The following TBL3 variants were observed in gnomAD, a reference collection of about 807,000 sequenced individuals.
The protein encoded by TBL3 is transducin beta-like protein 3.
A neutral mutation model predicts 102.7 loss-of-function variants in TBL3; 71 were observed. The ratio of observed to expected loss-of-function variants is 0.69; its 90% CI spans 0.57 to 0.84. The LOEUF (loss-of-function observed/expected upper bound fraction) is 0.84. Among genes scored for constraint, TBL3 ranks in the 40% least tolerant of loss-of-function variants. The pLI, the probability that TBL3 is intolerant of heterozygous loss-of-function variation, is 0.00. For missense variants in TBL3, 1,188 were observed against 1,098.5 expected, an observed-to-expected ratio of 1.08 and a Z score of -1.15; for synonymous variants, 578 against 477.7, an observed-to-expected ratio of 1.21 and a Z score of -2.74.
chr16:1,981,214 G>A lies in TBL3; in HGVS notation c.*2529G>A. On this transcript the variant is annotated 3_prime_UTR_variant, in exon 22 of 22. Transcript: ENST00000568546. ...TTCCAGGCTGCAGATTCCTGAAATGGGCGAGGACCCTTCTGCCTCCCCGTG... is the reference window on the plus strand; with the variant it reads ...TTCCAGGCTGCAGATTCCTGAAATGAGCGAGGACCCTTCTGCCTCCCCGTG... 1 of 1,612,822 alleles carries A rather than the reference G, an allele frequency of 6.2e-7. No homozygotes were observed. The highest frequency in any genetic ancestry group is 8.5e-7 in the Non-Finnish European group (1 of 1,179,806).
chr16:1,978,984 A>T lies in TBL3; in HGVS notation c.*299A>T. On this transcript the variant is annotated 3_prime_UTR_variant, in exon 22 of 22. Coordinates refer to ENST00000568546, the MANE Select transcript of TBL3 (RefSeq NM_006453.3). ...CCTCCCATCCCTGCTGGCCAGGGAGATCCGCCCTCCCCGCTCCTCCCCAGC... is the reference window on the plus strand; with the variant it reads ...CCTCCCATCCCTGCTGGCCAGGGAGTTCCGCCCTCCCCGCTCCTCCCCAGC... The T allele has an allele frequency of 7.1e-7, 1 of 1,416,598 alleles. No individual in the cohort carries two copies. Among genetic ancestry groups the T allele is most frequent in the Non-Finnish European group, 9.4e-7 (1 of 1,062,172 alleles). 87.8% of individuals were successfully genotyped at this position (1,416,598 alleles called of 1,614,324 possible).
Position 1,974,876 on chromosome 16 carries a change from G to A in TBL3, c.464+29G>A, listed in dbSNP as rs772157260. The A allele has an allele frequency of 2.9e-5, 46 of 1,612,844 alleles. No homozygotes were observed. In the East Asian group the frequency reaches 1.0e-3, roughly 35 times the overall value. ...AGTTGGAAGGTGGAGGGGGAGGGCA[G>A]AGGCACCACCCAGGCTGCACAGCTC... On this transcript the variant is annotated intron_variant, in intron 6 of 21. Transcript: ENST00000568546.
Position 1,979,965 on chromosome 16 carries a change from G to C in TBL3, c.*1280G>C, listed in dbSNP as rs770417062. On this transcript the variant is annotated 3_prime_UTR_variant, in exon 22 of 22. Transcript: ENST00000568546. ...GGCTCCCTCGGGTCCAGGAGCAGAG[G>C]AGCAAATCCCTGGGTTCTTGGGGGG... 2.1e-5 allele frequency: 34 copies of C among 1,587,192 alleles called. No homozygotes were observed. Among genetic ancestry groups the C allele is most frequent in the Non-Finnish European group, 2.9e-5 (34 of 1,167,504 alleles).
chr16:1,972,099 C>A lies in TBL3; in HGVS notation c.-66C>A. ...GTTCTGTGAAGAGTTCGGTGCTAACCTCCCTCACGCGGCGGTGGCTGCCGG... is the reference window on the plus strand; with the variant it reads ...GTTCTGTGAAGAGTTCGGTGCTAACATCCCTCACGCGGCGGTGGCTGCCGG... On this transcript the variant is annotated 5_prime_UTR_variant, in exon 1 of 22. Coordinates refer to ENST00000568546, the MANE Select transcript of TBL3 (RefSeq NM_006453.3). 3 of 1,455,372 alleles carry A rather than the reference C, an allele frequency of 2.1e-6. No individual in the cohort carries two copies. The highest frequency in any genetic ancestry group is 1.8e-6 in the Non-Finnish European group (2 of 1,100,364). 90.2% of individuals were successfully genotyped at this position (1,455,372 alleles called of 1,614,324 possible). A position where few individuals can be genotyped will look rare whatever the true frequency, so the allele number is the denominator to read the frequency against.
chr16:1,974,416 A>G lies in TBL3; in HGVS notation c.230A>G (p.Asp77Gly). ...ATCACTGCCTTTGACCTCAGCCCTG[A>G]CAACGAGGTATGTGGGGCGGGGCCT... ...EDITAFDLSP[D>G]NEVLVTASRA... is the part of the protein sequence containing the mutation. Residue 77 changes from aspartate to glycine, a missense_variant, in exon 4 of 22, where the codon GAC becomes GGC. By Grantham distance (94) the Asp-to-Gly change is moderately conservative. Coordinates refer to ENST00000568546, the MANE Select transcript of TBL3 (RefSeq NM_006453.3). The G allele has an allele frequency of 6.2e-7, 1 of 1,609,744 alleles. No individual in the cohort carries two copies.
chr16:1,977,476 C>A (rs758295644), intron 16 of TBL3, 38 bp from the exon 17 acceptor site: 5 of 1,608,316 alleles, frequency 3.1e-6, no homozygotes, highest in East Asian at 4.5e-5. Flanking sequence ...GGCGGGGGGA[C>A]CTGCCTGACG....
chr16:1,972,345 G>A, intron 1 of TBL3, 140 bp downstream of exon 1: 2 of 987,520 alleles, frequency 2.0e-6, no homozygotes, highest in Non-Finnish European at 2.7e-6. Context: ...GGTCGCGGAG[G>A]CTGCGGTGAT....
chr16:1,973,206 C>A (rs2083373364), intron 1 of TBL3, among the ~76,000 whole-genome samples: 2 of 152,100 alleles, frequency 1.3e-5, no homozygotes, highest in South Asian at 4.1e-4. Flanking sequence ...CTTTTGGAGG[C>A]CGAAGCGGGC....
rs1373547480 is a variant in TBL3, at chr16:1,972,296, T to G, written c.41+91T>G. 4 of 1,243,746 alleles carry G rather than the reference T, an allele frequency of 3.2e-6. No individual in the cohort carries two copies. The African/African-American group carries it at 6.3e-5, about 20-fold the overall frequency. The allele number at this position is 1,243,746 out of a possible 1,614,324, so 77.0% of individuals were successfully genotyped here. On this transcript the variant is annotated intron_variant, in intron 1 of 21. Coordinates refer to ENST00000568546, the MANE Select transcript of TBL3 (RefSeq NM_006453.3). The stretch of plus-strand genomic sequence containing the variant: ...CGCGTGGGGTGGGCACGCATTGGGG[T>G]CCGTGGAGGCGAGAGGCTGTGTGTG...
rs376007824 is a variant in TBL3, at chr16:1,977,951, C to G, written c.1959-7C>G. On this transcript the variant is annotated splice_region_variant and splice_polypyrimidine_tract_variant and intron_variant, in intron 18 of 21. Coordinates refer to ENST00000568546, the MANE Select transcript of TBL3 (RefSeq NM_006453.3). Reference sequence around the variant, plus strand: ...GCCCTCAGTGGCCTCTCCTCCCCTCCCCACAGGCAGCAAGAGCTGGACAAC... The same window carrying G: ...GCCCTCAGTGGCCTCTCCTCCCCTCGCCACAGGCAGCAAGAGCTGGACAAC... 3.8e-6 allele frequency: 6 copies of G among 1,593,286 alleles called. No individual in the cohort carries two copies. In the African/African-American group the frequency reaches 6.7e-5, roughly 18 times the overall value.
Position 1,979,927 on chromosome 16 carries a change from A to G in TBL3, c.*1242A>G. The G allele has an allele frequency of 1.3e-6, 2 of 1,576,616 alleles. No individual in the cohort carries two copies. Among genetic ancestry groups the G allele is most frequent in the Non-Finnish European group, 8.6e-7 (1 of 1,161,574 alleles). On this transcript the variant is annotated 3_prime_UTR_variant, in exon 22 of 22. Coordinates refer to ENST00000568546, the MANE Select transcript of TBL3 (RefSeq NM_006453.3). ...GCCTGTGCGCAAGAAGCGGGCAGGG[A>G]CTCAAATCTCGAGGCTCCCTCGGGT... is the stretch of plus-strand genomic sequence containing the variant.
Position 1,980,874 on chromosome 16 carries a change from C to T in TBL3, c.*2189C>T. On this transcript the variant is annotated 3_prime_UTR_variant, in exon 22 of 22. Coordinates refer to ENST00000568546, the MANE Select transcript of TBL3 (RefSeq NM_006453.3). ...GTGGGAGTCACTGATGGGAGGCAGTCCAGTGGGAGGCAGCCGCGTGGGGAA... is the reference window on the plus strand; with the variant it reads ...GTGGGAGTCACTGATGGGAGGCAGTTCAGTGGGAGGCAGCCGCGTGGGGAA... 1 of 1,160,246 alleles carries T rather than the reference C, an allele frequency of 8.6e-7. No homozygotes were observed. Among genetic ancestry groups the T allele is most frequent in the South Asian group, 2.0e-5 (1 of 50,154 alleles). 71.9% of individuals were successfully genotyped at this position (1,160,246 alleles called of 1,614,324 possible).
At position 1,977,962 on chromosome 16, in the gene TBL3, C is replaced by A. The variant is rs1228052672; in HGVS notation, c.1963C>A (p.Gln655Lys). 1.3e-6 allele frequency: 2 copies of A among 1,596,466 alleles called. No homozygotes were observed. The highest frequency in any genetic ancestry group is 1.9e-4 in the Middle Eastern group (1 of 5,346). The change falls in exon 19 of 22, where the codon CAA becomes AAA. Residue 655 changes from glutamine (Q) to lysine (K), a missense_variant. Transcript: ENST00000568546. ...CCTCTCCTCCCCTCCCCACAGGCAG[C>A]AAGAGCTGGACAACCTGCTGCATGA... is the stretch of plus-strand genomic sequence containing the variant. ...ARQEEQVVRQ[Q>K]ELDNLLHEKR...
chr16:1,978,174 C>T lies in TBL3; in HGVS notation c.2088C>T (p.Cys696=), dbSNP rs374379960. Residue 696 remains cysteine (C), a synonymous_variant, in exon 20 of 22, where the codon TGC becomes TGT. Transcript: ENST00000568546. ...IQAIRRDPEA[C]EKLEATMLRL... Reference sequence around the variant, plus strand: ...CCATCCGGAGGGACCCTGAGGCCTGCGAGAAGCTGGAAGCCACCATGCTCC... The same window carrying T: ...CCATCCGGAGGGACCCTGAGGCCTGTGAGAAGCTGGAAGCCACCATGCTCC... The T allele has an allele frequency of 2.2e-5, 36 of 1,612,624 alleles. No individual in the cohort carries two copies. The highest frequency in any genetic ancestry group is 8.9e-5 in the East Asian group (4 of 44,894).
rs17604 is a variant in TBL3, at chr16:1,976,291, T to C, written c.1269T>C (p.Ser423=). The C allele has an allele frequency of 0.084, 134,889 of 1,613,556 alleles. 6,336 individuals carry two copies. The highest frequency in any genetic ancestry group is 0.092 in the Non-Finnish European group (108,252 of 1,179,800). ...CVAQGSGHTH[S]VGTVCCSRLK... is the part of the protein sequence containing the mutation. ...CTCAGGGTTCCGGTCACACACACAG[T>C]GTGGGCACCGTCTGCTGCTCTAGGT... Residue 423 remains serine (S), a synonymous_variant, in exon 13 of 22, where the codon AGT becomes AGC. Transcript: ENST00000568546.
At position 1,977,148 on chromosome 16, in the gene TBL3, A is replaced by G. The variant is rs773306472; in HGVS notation, c.1535A>G (p.Gln512Arg). The change falls in exon 15 of 22, where the codon CAG (glutamine) becomes CGG (arginine). Residue 512 changes from glutamine to arginine, a missense_variant. By Grantham distance (43) the Gln-to-Arg change is conservative. Coordinates refer to ENST00000568546, the MANE Select transcript of TBL3 (RefSeq NM_006453.3). ...AAGCTCTGGGCCCTGCCACAGTGCC[A>G]GCTGCTGGGTGTCTTCTCAGGCCAC... ...TAKLWALPQC[Q>R]LLGVFSGHRR... 4.3e-6 allele frequency: 7 copies of G among 1,613,084 alleles called. No individual in the cohort carries two copies. Among genetic ancestry groups the G allele is most frequent in the Non-Finnish European group, 5.9e-6 (7 of 1,179,998 alleles).
In TBL3 at chr16:1,980,745, C is replaced by A. The variant is rs772079808; in HGVS notation, c.*2060C>A. ...CTTGAGGGTCTTCTGAGGGCGGGAA[C>A]CAGGGCATTGGTCTTCCAGAGCCCA... is the stretch of plus-strand genomic sequence containing the variant. On this transcript the variant is annotated 3_prime_UTR_variant, in exon 22 of 22. Coordinates refer to ENST00000568546, the MANE Select transcript of TBL3 (RefSeq NM_006453.3). 6.3e-7 allele frequency: 1 copy of A among 1,587,464 alleles called. No homozygotes were observed. The highest frequency in any genetic ancestry group is 8.6e-7 in the Non-Finnish European group (1 of 1,166,106).
rs148837144 is a variant in TBL3 at position 1,980,106 on chromosome 16, C to T, written c.*1421C>T. 2.4e-5 allele frequency: 39 copies of T among 1,608,282 alleles called. No individual in the cohort carries two copies. The highest frequency in any genetic ancestry group is 1.1e-5 in the South Asian group (1 of 90,266). ...GCTGCAGGCAGCGCAGGCTCTGAGC[C>T]TCCAGACTGTGGATGGAGAGGCGGC... is the stretch of plus-strand genomic sequence containing the variant. On this transcript the variant is annotated 3_prime_UTR_variant, in exon 22 of 22. Transcript: ENST00000568546.
In TBL3 at chr16:1,975,238, C is replaced by A; in HGVS notation, c.687C>A (p.Ala229=). 1 of 1,613,894 alleles carries A rather than the reference C, an allele frequency of 6.2e-7. No individual in the cohort carries two copies. The highest frequency in any genetic ancestry group is 8.5e-7 in the Non-Finnish European group (1 of 1,180,012). Residue 229 remains alanine (A), a synonymous_variant, in exon 8 of 22, where the codon GCC becomes GCA. Coordinates refer to ENST00000568546, the MANE Select transcript of TBL3 (RefSeq NM_006453.3). The stretch of plus-strand genomic sequence containing the variant: ...TCTGGGACCTTCAGAGCTGCCAGGC[C>A]ACGAGGACCGTGCCTGTGTTTGAGG... ...CIIWDLQSCQ[A]TRTVPVFESV...
Sources: gnomAD v4.1 joint callset for allele counts (sites outside exome capture counted in the v4.1 genomes callset) on GRCh38, gnomAD v4.1.1 for gene constraint, MANE v1.5 for transcripts, NCBI Gene and HGNC (gene_info 2026-07-23, HGNC 2026-07-21) for gene names.